Variants in PDE11A observed in about 807,000 individuals in gnomAD.
PDE11A encodes the protein phosphodiesterase 11A.
A neutral mutation model predicts 100.5 loss-of-function variants in PDE11A; 100 were observed. The observed-to-expected ratio is 1.00, with a 90% CI of 0.85 to 1.18. The LOEUF (loss-of-function observed/expected upper bound fraction) is 1.18. Among genes scored for constraint, PDE11A ranks in the 50% most tolerant of loss-of-function variants. The pLI is 0.00. For missense variants in PDE11A, 1,141 were observed against 1,152.6 expected, an observed-to-expected ratio of 0.99 and a Z score of 0.15; for synonymous variants, 381 against 420.8, an observed-to-expected ratio of 0.91 and a Z score of 1.16.
upstream of PDE11A, among the ~76,000 whole-genome samples, chr2:178,074,805 T>C (rs572639002): frequency 2.0e-5 from 3 of 152,292 alleles, no homozygotes; most frequent in South Asian, 4.1e-4. Flanking sequence ...AGCTGCGTTT[T>C]GAATCGGCTG....
At chr2:177,936,035 T>A (rs2085268173) in intron 2 of PDE11A, among the ~76,000 whole-genome samples, 1 of 152,214 alleles carries the variant, frequency 6.6e-6, no homozygotes, top group Non-Finnish European at 1.5e-5. Flanking sequence ...GGAAATTCAA[T>A]GTCTTCTAAG....
At chr2:177,658,208 T>C (rs1025901365) in intron 19 of PDE11A, among the ~76,000 whole-genome samples, 1 of 152,084 alleles carries the variant, frequency 6.6e-6, no homozygotes, top group African/African-American at 2.4e-5. Flanking sequence ...ATCACAACCA[T>C]AGGTGAGTTC....
intron 1 of PDE11A, among the ~76,000 whole-genome samples, chr2:178,050,832 A>G (rs1487858916): frequency 6.6e-6 from 1 of 152,236 alleles, no homozygotes; most frequent in Non-Finnish European, 1.5e-5. Flanking sequence ...AAATGAACAA[A>G]GCCTCCAAGA....
At chr2:178,064,989 A>G (rs2087025770) in intron 1 of PDE11A, among the ~76,000 whole-genome samples, 2 of 152,166 alleles carry the variant, frequency 1.3e-5, no homozygotes, top group Non-Finnish European at 2.9e-5. Flanking sequence ...AAAAAACCTC[A>G]GGAATTATAG....
intron 15 of PDE11A, among the ~76,000 whole-genome samples, chr2:177,681,562 A>G (rs1408274383): frequency 6.6e-6 from 1 of 152,200 alleles, no homozygotes; most frequent in Admixed American, 6.5e-5. Flanking sequence ...AATGAATGAC[A>G]TGTGGAAAGC....
intron 1 of PDE11A, among the ~76,000 whole-genome samples, chr2:178,059,300 G>C (rs2086938163): frequency 6.6e-6 from 1 of 152,188 alleles, no homozygotes; most frequent in African/African-American, 2.4e-5. Context: ...TCCCTGGGTA[G>C]GGAAAGGCCC....
chr2:177,651,410 G>A (rs1194926268), intron 19 of PDE11A, among the ~76,000 whole-genome samples: 2 of 152,098 alleles, frequency 1.3e-5, no homozygotes, highest in African/African-American at 2.4e-5. Context: ...AATTCCATTT[G>A]CTCCAAGAAG....
chr2:178,085,817 T>C (rs138923036), intron 2 of PDE11A, among the ~76,000 whole-genome samples: 95 of 152,290 alleles, frequency 6.2e-4, no homozygotes, highest in African/African-American at 2.2e-3. Context: ...TAAAACTCAG[T>C]ACCGGGGCAA....
intron 9 of PDE11A, among the ~76,000 whole-genome samples, chr2:177,776,241 T>TA: frequency 6.6e-6 from 1 of 152,308 alleles, no homozygotes; most frequent in Non-Finnish European, 1.5e-5. Context: ...ATATTTTCAC[T>TA]ATTTGTGTCA....
At chr2:177,752,644 A>C (rs2082039520) in intron 10 of PDE11A, among the ~76,000 whole-genome samples, 1 of 152,230 alleles carries the variant, frequency 6.6e-6, no homozygotes, top group African/African-American at 2.4e-5. Context: ...TTATTTATCA[A>C]TTCATTAATT....
At chr2:177,996,450 T>C (rs2060490) in intron 2 of PDE11A, among the ~76,000 whole-genome samples, 75,318 of 148,110 alleles carry the variant, frequency 0.51, 19,740 homozygotes, top group East Asian at 0.71. Flanking sequence ...TAGTCAAGTT[T>C]CACAGCATAC....
chr2:177,764,117 T>C (rs2082207859), intron 10 of PDE11A, among the ~76,000 whole-genome samples: 1 of 152,186 alleles, frequency 6.6e-6, no homozygotes, highest in African/African-American at 2.4e-5. Context: ...GCAAAGGAGG[T>C]CATAAGATCC....
At chr2:177,725,852 G>T (rs746767528) in intron 12 of PDE11A, among the ~76,000 whole-genome samples, 1 of 152,114 alleles carries the variant, frequency 6.6e-6, no homozygotes, top group Non-Finnish European at 1.5e-5. Context: ...ATAAAAATCT[G>T]TCTCTGTCCT....
intron 17 of PDE11A, 137 bp downstream of exon 17, chr2:177,675,318 A>G: frequency 1.4e-6 from 1 of 708,196 alleles, no homozygotes; most frequent in Non-Finnish European, 2.6e-6. Flanking sequence ...GCCTCCTGCT[A>G]TTTTTTACAC....
intron 2 of PDE11A, chr2:177,922,786 G>C (rs2085072198): frequency 1.0e-6 from 1 of 984,734 alleles, no homozygotes; most frequent in Non-Finnish European, 1.2e-6. Flanking sequence ...CCAACACACA[G>C]TGGACTTTTC....
chr2:177,968,625 A>G (rs1404354640), intron 2 of PDE11A, among the ~76,000 whole-genome samples: 1 of 152,228 alleles, frequency 6.6e-6, no homozygotes, highest in Non-Finnish European at 1.5e-5. Flanking sequence ...TTCCTATAGG[A>G]TGAACCAATT....
chr2:177,659,534 A>AT (rs1365541093), intron 19 of PDE11A, among the ~76,000 whole-genome samples: 1 of 152,186 alleles, frequency 6.6e-6, no homozygotes, highest in Non-Finnish European at 1.5e-5. Flanking sequence ...ATCAGATTAC[A>AT]TTCATAATAA....
At chr2:177,789,930 G>A (rs1348168125) in intron 9 of PDE11A, among the ~76,000 whole-genome samples, 3 of 151,478 alleles carry the variant, frequency 2.0e-5, no homozygotes, top group African/African-American at 7.3e-5. Flanking sequence ...CTCATGGGTA[G>A]GAAGAATCAA....
intron 7 of PDE11A, among the ~76,000 whole-genome samples, chr2:177,819,864 C>CTT (rs1374643433): frequency 0.014 from 1,591 of 113,710 alleles, 39 homozygotes; most frequent in African/African-American, 0.033. Context: ...CTCTCTTTCT[C>CTT]TCTTTCTCTC....
Sources: gnomAD v4.1 joint callset for allele counts (sites outside exome capture counted in the v4.1 genomes callset) on GRCh38, gnomAD v4.1.1 for gene constraint, MANE v1.5 for transcripts, NCBI Gene and HGNC (gene_info 2026-07-23, HGNC 2026-07-21) for gene names.